PCDHA1: variants seen among roughly 807,000 people sequenced by gnomAD.
PCDHA1 encodes the protein protocadherin alpha-1.
A neutral mutation model predicts 61.3 loss-of-function variants in PCDHA1; 42 were observed. That is an observed-to-expected ratio of 0.69 (90% CI 0.54 to 0.89). PCDHA1 has a LOEUF of 0.89. PCDHA1 is among the 40% of genes least tolerant of loss of function. PCDHA1 has a pLI of 0.00. For missense variants in PCDHA1, 1,256 were observed against 1,235.3 expected, an observed-to-expected ratio of 1.02 and a Z score of -0.25; for synonymous variants, 610 against 553.8, an observed-to-expected ratio of 1.10 and a Z score of -1.43.
chr5:140,811,798 CT>C (rs1764962036), intron 1 of PCDHA1: 1 of 152,164 alleles, frequency 6.6e-6, no homozygotes, highest in African/African-American at 2.4e-5. Flanking sequence ...TAAATGTCTT[CT>C]TTTGAGAAGT....
At chr5:140,857,771 G>C in intron 1 of PCDHA1, 3 of 1,597,658 alleles carry the variant, frequency 1.9e-6, no homozygotes, top group Non-Finnish European at 2.6e-6. Flanking sequence ...CGCGGGCGGT[G>C]CAGTCAGTGA....
At chr5:140,896,012 T>C (rs1554186792) in intron 1 of PCDHA1, among the ~76,000 whole-genome samples, 3 of 152,162 alleles carry the variant, frequency 2.0e-5, no homozygotes, top group African/African-American at 7.2e-5. Context: ...GGTTTCTCCA[T>C]GTTGGCCAGG....
chr5:140,843,209 G>A, intron 1 of PCDHA1: 2 of 1,596,078 alleles, frequency 1.3e-6, no homozygotes, highest in African/African-American at 2.7e-5. Context: ...GTACACGGGC[G>A]AGATCAGCAC....
At chr5:140,876,906 G>T (rs782762108) in intron 1 of PCDHA1, 13 of 1,613,908 alleles carry the variant, frequency 8.1e-6, no homozygotes, top group South Asian at 2.2e-5. Flanking sequence ...TCACGGTGTC[G>T]GCATGGGACG....
intron 1 of PCDHA1, among the ~76,000 whole-genome samples, chr5:140,800,569 G>T (rs782336305): frequency 1.3e-5 from 2 of 152,134 alleles, no homozygotes; most frequent in African/African-American, 2.4e-5. Flanking sequence ...TGTAACTTGG[G>T]TGGTAAAGAG....
chr5:140,826,442 G>A (rs1447945219), intron 1 of PCDHA1, among the ~76,000 whole-genome samples: 4 of 152,148 alleles, frequency 2.6e-5, no homozygotes, highest in Non-Finnish European at 5.9e-5. Context: ...TGGAAGAAAA[G>A]GCTTTGTGTC....
intron 1 of PCDHA1, chr5:140,967,164 C>G (rs762120187): frequency 8.7e-6 from 14 of 1,611,226 alleles, no homozygotes; most frequent in Non-Finnish European, 1.2e-5. Flanking sequence ...GCGGTGAGCG[C>G]CGTTGAGGTG....
chr5:140,960,919 A>G (rs542740686), intron 1 of PCDHA1, among the ~76,000 whole-genome samples: 1 of 152,334 alleles, frequency 6.6e-6, no homozygotes, highest in Non-Finnish European at 1.5e-5. Flanking sequence ...CAGATAGAAA[A>G]TTGGTACTAA....
At chr5:140,855,255 A>G (rs2043396159) in intron 1 of PCDHA1, among the ~76,000 whole-genome samples, 1 of 149,836 alleles carries the variant, frequency 6.7e-6, no homozygotes, top group Non-Finnish European at 1.5e-5. Context: ...AGCACTTACT[A>G]TATTATAATT....
intron 1 of PCDHA1, chr5:140,927,708 A>G: frequency 6.2e-7 from 1 of 1,614,202 alleles, no homozygotes; most frequent in Non-Finnish European, 8.5e-7. Context: ...AGTACTCCCT[A>G]AGCAACAGCA....
At chr5:140,833,606 GC>G (rs1377132981) in intron 1 of PCDHA1, among the ~76,000 whole-genome samples, 2 of 152,098 alleles carry the variant, frequency 1.3e-5, no homozygotes, top group African/African-American at 4.8e-5. Context: ...TTCTGCTAAA[GC>G]AAAAAATTCA....
At position 140,843,079 on chromosome 5, in the gene PCDHA1, C is replaced by T. The variant is rs2150351971; in HGVS notation, c.2394+54395C>T. On this transcript the variant is annotated intron_variant, in intron 1 of 3. Coordinates refer to ENST00000504120, the MANE Select transcript of PCDHA1 (RefSeq NM_018900.4). ...GCAAGCTGGTGCCGCGGTCTGTGGG[C>T]GCGGGCCACGTGGTAGCGAAGGTGC... The T allele has an allele frequency of 6.3e-6, 10 of 1,595,344 alleles. 2 individuals carry two copies. The highest frequency in any genetic ancestry group is 2.2e-5 in the East Asian group (1 of 44,804).
Position 140,822,569 on chromosome 5 carries a change from C to T in PCDHA1, c.2394+33885C>T. On this transcript the variant is annotated intron_variant, in intron 1 of 3. Transcript: ENST00000504120. ...GGGACATTAGTTATTAAACTGAACGCCTCAGATGCAGATGAGGGCATCAAT... is the reference window on the plus strand; with the variant it reads ...GGGACATTAGTTATTAAACTGAACGTCTCAGATGCAGATGAGGGCATCAAT... 6.2e-7 allele frequency: 1 copy of T among 1,612,930 alleles called. No homozygotes were observed. Among genetic ancestry groups the T allele is most frequent in the Non-Finnish European group, 8.5e-7 (1 of 1,179,160 alleles).
intron 1 of PCDHA1, among the ~76,000 whole-genome samples, chr5:140,974,524 T>C (rs976398044): frequency 5.9e-5 from 9 of 152,210 alleles, no homozygotes; most frequent in African/African-American, 9.7e-5. Flanking sequence ...TATTTTAGTT[T>C]TTTTGAGACG....
At chr5:140,796,926 C>A in intron 1 of PCDHA1, 2 of 1,613,856 alleles carry the variant, frequency 1.2e-6, no homozygotes, top group Non-Finnish European at 1.7e-6. Flanking sequence ...TGAAGGACCA[C>A]GGCGAACCAG....
chr5:140,834,794 AAG>A (rs1773294671), intron 1 of PCDHA1: 1 of 1,613,446 alleles, frequency 6.2e-7, no homozygotes, highest in South Asian at 1.1e-5. Flanking sequence ...CAGCGACACA[AAG>A]GAATCTGTTC....
chr5:140,792,695 C>G (rs927756148), intron 1 of PCDHA1, among the ~76,000 whole-genome samples: 1 of 152,188 alleles, frequency 6.6e-6, no homozygotes, highest in South Asian at 2.1e-4. Flanking sequence ...TTGTCTCAAG[C>G]AAGCCATGTT....
intron 1 of PCDHA1, among the ~76,000 whole-genome samples, chr5:140,947,178 C>T (rs1356075084): frequency 6.6e-6 from 1 of 151,188 alleles, no homozygotes. Context: ...GGTATATATT[C>T]ATGGTATACT....
chr5:140,953,542 A>G (rs2094901319), intron 1 of PCDHA1, among the ~76,000 whole-genome samples: 1 of 152,080 alleles, frequency 6.6e-6, no homozygotes, highest in Admixed American at 6.6e-5. Flanking sequence ...CTTCATGCTG[A>G]TTCTTTTCTC....
Sources: allele counts gnomAD v4.1 joint callset (sites outside exome capture counted in the v4.1 genomes callset), GRCh38; gene constraint gnomAD v4.1.1; transcripts MANE v1.5; gene names NCBI Gene and HGNC (gene_info 2026-07-23, HGNC 2026-07-21).